CSMD1: variants seen among roughly 807,000 people sequenced by gnomAD.
CSMD1 encodes CUB and sushi domain-containing protein 1.
In CSMD1, 213 loss-of-function variants were observed where a neutral mutation model predicts 417.5. The ratio of observed to expected loss-of-function variants is 0.51; its 90% CI spans 0.46 to 0.57. The LOEUF is 0.57. Ranked by LOEUF, CSMD1 falls within the 20% of genes least tolerant of loss-of-function variation. The pLI is 0.00. For missense variants in CSMD1, 6,923 were observed against 4,529.7 expected (o/e 1.53, Z -15.17); for synonymous variants, 2,862 against 1,736.8 (o/e 1.65, Z -16.11).
rs371388044 is a variant in CSMD1, at chr8:4,739,578, G to A, written c.86-102020C>T. Among the ~76,000 whole-genome samples, 46 of 152,246 alleles carry A rather than the reference G, an allele frequency of 3.0e-4. No individual in the cohort carries two copies. The South Asian group carries it at 9.3e-3, about 31-fold the overall frequency. On this transcript the variant is annotated intron_variant, in intron 1 of 69. Coordinates refer to ENST00000635120, the MANE Select transcript of CSMD1 (RefSeq NM_033225.6). ...TCCAGAAGATCTTTTGACTCTAAAT[G>A]AGAACAGGTCTCCTTTGGGTCCGAG...
chr8:3,364,743 G>C (rs1036583859), intron 20 of CSMD1, among the ~76,000 whole-genome samples: 4 of 152,172 alleles, frequency 2.6e-5, no homozygotes, highest in Non-Finnish European at 5.9e-5. Context: ...ACAGCAAGAA[G>C]GCTCACCCCA....
chr8:4,934,734 A>G (rs1274055170), intron 1 of CSMD1, among the ~76,000 whole-genome samples: 1 of 152,182 alleles, frequency 6.6e-6, no homozygotes, highest in Non-Finnish European at 1.5e-5. Context: ...CTATATATCT[A>G]TAAACTATCT....
intron 3 of CSMD1, among the ~76,000 whole-genome samples, chr8:4,218,502 AAAT>A (rs1462096750): frequency 6.6e-6 from 1 of 152,200 alleles, no homozygotes; most frequent in African/African-American, 2.4e-5. Flanking sequence ...TTTTTCTAAT[AAAT>A]AATATTTGCA....
chr8:3,936,402 G>C (rs564802858), intron 5 of CSMD1, among the ~76,000 whole-genome samples: 2 of 152,254 alleles, frequency 1.3e-5, no homozygotes, highest in East Asian at 1.9e-4. Flanking sequence ...TCAATGACTA[G>C]CTTTAAAGCT....
At chr8:4,664,104 G>T (rs747449048) in intron 1 of CSMD1, among the ~76,000 whole-genome samples, 1 of 152,166 alleles carries the variant, frequency 6.6e-6, no homozygotes, top group Non-Finnish European at 1.5e-5. Context: ...CCTCATCAGA[G>T]TCTGTTAAAA....
intron 28 of CSMD1, among the ~76,000 whole-genome samples, chr8:3,220,843 T>TCAACCAAC (rs372287724): frequency 1.3e-5 from 2 of 151,876 alleles, no homozygotes; most frequent in Non-Finnish European, 2.9e-5. Context: ...CAAAAACCAA[T>TCAACCAAC]CAACCAACCA....
intron 5 of CSMD1, among the ~76,000 whole-genome samples, chr8:3,844,038 CAAT>C (rs1267280629): frequency 2.6e-5 from 4 of 152,126 alleles, no homozygotes; most frequent in Non-Finnish European, 5.9e-5. Context: ...TACAATGGCA[CAAT>C]GTTAATATAA....
chr8:4,251,588 A>G (rs902674556), intron 3 of CSMD1, among the ~76,000 whole-genome samples: 3 of 152,208 alleles, frequency 2.0e-5, no homozygotes, highest in Non-Finnish European at 4.4e-5. Flanking sequence ...ATCCCAACCC[A>G]AAAGTAAATG....
chr8:4,008,939 A>G (rs1054995352), intron 4 of CSMD1, among the ~76,000 whole-genome samples: 4 of 152,094 alleles, frequency 2.6e-5, no homozygotes, highest in East Asian at 1.9e-4. Context: ...TTGTGCTCCT[A>G]TGATTTCCAT....
At chr8:3,130,287 G>A (rs1171439518) in intron 41 of CSMD1, among the ~76,000 whole-genome samples, 1 of 152,086 alleles carries the variant, frequency 6.6e-6, no homozygotes, top group African/African-American at 2.4e-5. Context: ...AGGAAGATGG[G>A]AGAGAAGCAC....
At chr8:4,183,040 T>A (rs894779999) in intron 3 of CSMD1, among the ~76,000 whole-genome samples, 5 of 152,194 alleles carry the variant, frequency 3.3e-5, no homozygotes, top group African/African-American at 9.7e-5. Flanking sequence ...TACACGTGAT[T>A]GTGTTATATG....
chr8:3,239,863 G>C (rs1799384667), intron 26 of CSMD1, among the ~76,000 whole-genome samples: 3 of 152,098 alleles, frequency 2.0e-5, no homozygotes, highest in Admixed American at 1.3e-4. Context: ...GTCAGGTGTG[G>C]TATCCAGAAT....
chr8:3,410,575 G>T (rs931877475), intron 12 of CSMD1, among the ~76,000 whole-genome samples: 2 of 152,152 alleles, frequency 1.3e-5, no homozygotes, highest in African/African-American at 2.4e-5. Context: ...GACGTGACTT[G>T]TTCCACCTTG....
intron 26 of CSMD1, among the ~76,000 whole-genome samples, chr8:3,270,012 A>G (rs899172304): frequency 1.3e-5 from 2 of 151,070 alleles, no homozygotes; most frequent in African/African-American, 4.9e-5. Context: ...GACATGAAGC[A>G]TGGAAGATGA....
chr8:3,611,203 G>A (rs769502591), intron 8 of CSMD1, among the ~76,000 whole-genome samples: 9 of 151,522 alleles, frequency 5.9e-5, no homozygotes, highest in Non-Finnish European at 1.0e-4. Flanking sequence ...TGCACATTGT[G>A]CACATGTACC....
At chr8:4,870,197 C>T (rs1424799905) in intron 1 of CSMD1, among the ~76,000 whole-genome samples, 2 of 152,020 alleles carry the variant, frequency 1.3e-5, no homozygotes, top group African/African-American at 2.4e-5. Flanking sequence ...GAAAAAATAA[C>T]TGTTAATTCC....
At chr8:4,401,261 T>C (rs1294201483) in intron 3 of CSMD1, among the ~76,000 whole-genome samples, 3 of 152,298 alleles carry the variant, frequency 2.0e-5, no homozygotes, top group East Asian at 1.9e-4. Context: ...ATATTAGATA[T>C]ATGTCTTGAA....
At chr8:4,864,344 T>A (rs1185086124) in intron 1 of CSMD1, among the ~76,000 whole-genome samples, 1 of 151,762 alleles carries the variant, frequency 6.6e-6, no homozygotes, top group Non-Finnish European at 1.5e-5. Flanking sequence ...ATAATTAGAA[T>A]GAAAACAAAA....
chr8:4,053,710 G>C (rs1056453438), intron 3 of CSMD1, among the ~76,000 whole-genome samples: 1 of 152,060 alleles, frequency 6.6e-6, no homozygotes, highest in Non-Finnish European at 1.5e-5. Flanking sequence ...CATGGCAGTA[G>C]GAGGAAAATG....
Sources: allele counts gnomAD v4.1 joint callset (sites outside exome capture counted in the v4.1 genomes callset), GRCh38; gene constraint gnomAD v4.1.1; transcripts MANE v1.5; gene names NCBI Gene and HGNC (gene_info 2026-07-23, HGNC 2026-07-21).